Variants in PTPRD observed in about 807,000 individuals in gnomAD.
The protein encoded by PTPRD is protein tyrosine phosphatase receptor type D, also known as receptor-type tyrosine-protein phosphatase delta.
A neutral mutation model predicts 214.5 loss-of-function variants in PTPRD; 34 were observed. That is an observed-to-expected ratio of 0.16 (90% CI 0.12 to 0.21). The LOEUF is 0.21. PTPRD is among the 10% of genes least tolerant of loss of function. The probability of loss-of-function intolerance (pLI) is 1.00; values close to 1 mark genes in which losing one functional copy is unlikely to be tolerated. For missense variants in PTPRD, 2,545 were observed against 2,398.7 expected (o/e 1.06, Z -1.27); for synonymous variants, 1,128 against 845.7 (o/e 1.33, Z -5.79).
At chr9:9,905,255 A>C (rs1424003129) in intron 5 of PTPRD, among the ~76,000 whole-genome samples, 1 of 151,956 alleles carries the variant, frequency 6.6e-6, no homozygotes, top group Non-Finnish European at 1.5e-5. Context: ...ACATATAGTC[A>C]CCCTAAATTC....
intron 3 of PTPRD, among the ~76,000 whole-genome samples, chr9:10,326,667 T>C (rs10959045): frequency 2.6e-5 from 4 of 151,218 alleles, no homozygotes; most frequent in African/African-American, 4.8e-5. Context: ...TTTTTGAAAA[T>C]GTGAAGCATG....
chr9:9,222,458 G>A (rs2099956740), intron 9 of PTPRD, among the ~76,000 whole-genome samples: 1 of 151,966 alleles, frequency 6.6e-6, no homozygotes, highest in Non-Finnish European at 1.5e-5. Flanking sequence ...GCATTTCAAA[G>A]CAACTTTAAA....
chr9:9,487,801 G>C (rs2095714481), intron 8 of PTPRD, among the ~76,000 whole-genome samples: 1 of 152,048 alleles, frequency 6.6e-6, no homozygotes, highest in Admixed American at 6.6e-5. Flanking sequence ...AGGACTTTCT[G>C]CTTCAGTTTT....
chr9:9,103,690 G>C (rs10977495), intron 10 of PTPRD, among the ~76,000 whole-genome samples: 1 of 151,954 alleles, frequency 6.6e-6, no homozygotes, highest in South Asian at 2.1e-4. Flanking sequence ...ATTAAAAGTG[G>C]AGCAATTTGG....
intron 10 of PTPRD, among the ~76,000 whole-genome samples, chr9:9,173,834 C>G (rs562167895): frequency 8.5e-5 from 13 of 152,188 alleles, no homozygotes; most frequent in Admixed American, 5.9e-4. Context: ...TTTCTCTTTA[C>G]CATTGGCCTC....
At chr9:8,347,432 C>A (rs2074173040) in intron 39 of PTPRD, among the ~76,000 whole-genome samples, 1 of 152,102 alleles carries the variant, frequency 6.6e-6, no homozygotes, top group Non-Finnish European at 1.5e-5. Context: ...CAAACGTGAT[C>A]TTTCCTGTCG....
intron 11 of PTPRD, among the ~76,000 whole-genome samples, chr9:8,961,377 C>T (rs1016575809): frequency 6.6e-6 from 1 of 152,132 alleles, no homozygotes; most frequent in Non-Finnish European, 1.5e-5. Context: ...TCATCATGGT[C>T]ATTTCAGTTG....
chr9:9,884,886 C>G (rs143940920), intron 5 of PTPRD, among the ~76,000 whole-genome samples: 1 of 152,072 alleles, frequency 6.6e-6, no homozygotes, highest in Non-Finnish European at 1.5e-5. Context: ...CACCCCAGCC[C>G]AATGGAACTA....
At chr9:10,422,898 G>A (rs1464352461) in intron 2 of PTPRD, among the ~76,000 whole-genome samples, 1 of 152,000 alleles carries the variant, frequency 6.6e-6, no homozygotes, top group Admixed American at 6.6e-5. Flanking sequence ...ACAGTGTGGC[G>A]ATTCCTCAAG....
At chr9:8,666,478 T>C (rs2097172774) in intron 12 of PTPRD, among the ~76,000 whole-genome samples, 2 of 152,244 alleles carry the variant, frequency 1.3e-5, no homozygotes, top group African/African-American at 4.8e-5. Context: ...GGAATTCGTA[T>C]GGCTTCATAT....
In PTPRD at chr9:8,725,565, C is replaced by G. The variant is rs1372390667; in HGVS notation, c.64+8215G>C. On this transcript the variant is annotated intron_variant, in intron 12 of 45. Coordinates refer to ENST00000381196, the MANE Select transcript of PTPRD (RefSeq NM_002839.4). The stretch of plus-strand genomic sequence containing the variant: ...TGGGATAATATATGCCAACAGAGAT[C>G]TAAACAAAGATGCTTCTAATTTGGA... Among the ~76,000 whole-genome samples the G allele has an allele frequency of 2.0e-5, 3 of 152,058 alleles. No individual in the cohort carries two copies. The South Asian group carries it at 6.2e-4, about 32-fold the overall frequency.
chr9:9,757,915 A>T (rs971694273), intron 6 of PTPRD, among the ~76,000 whole-genome samples: 5 of 151,932 alleles, frequency 3.3e-5, no homozygotes, highest in Non-Finnish European at 7.4e-5. Flanking sequence ...AGCCCAAGTG[A>T]AGCCATTTCC....
chr9:10,260,451 A>C lies in PTPRD; in HGVS notation c.-545+80512T>G, dbSNP rs138136071. Among the ~76,000 whole-genome samples the C allele has an allele frequency of 2.7e-3, 417 of 152,306 alleles. 3 individuals are homozygous for C. The highest frequency in any genetic ancestry group is 9.6e-3 in the African/African-American group (399 of 41,562). On this transcript the variant is annotated intron_variant, in intron 3 of 45. Transcript: ENST00000381196. ...TACAGAGTTTCCCATAGGTAATCTC[A>C]AAAGGGTCTTCCAAGTCAACATTTT... is the stretch of plus-strand genomic sequence containing the variant.
At chr9:8,413,962 T>A (rs1475319475) in intron 35 of PTPRD, among the ~76,000 whole-genome samples, 1 of 152,086 alleles carries the variant, frequency 6.6e-6, no homozygotes, top group Non-Finnish European at 1.5e-5. Flanking sequence ...CTGGAAAAAA[T>A]GGAATCACTT....
intron 8 of PTPRD, among the ~76,000 whole-genome samples, chr9:9,421,287 A>C (rs942022226): frequency 3.3e-5 from 5 of 151,338 alleles, no homozygotes; most frequent in African/African-American, 1.2e-4. Context: ...CTTTGTGAAA[A>C]AAAAAAAATT....
At chr9:9,886,433 A>G (rs1381107672) in intron 5 of PTPRD, among the ~76,000 whole-genome samples, 1 of 152,112 alleles carries the variant, frequency 6.6e-6, no homozygotes, top group Non-Finnish European at 1.5e-5. Context: ...CTATTGCCAT[A>G]AAAAAGGGAG....
chr9:10,595,580 G>A (rs1019027079), intron 2 of PTPRD, among the ~76,000 whole-genome samples: 2 of 151,260 alleles, frequency 1.3e-5, no homozygotes, highest in African/African-American at 4.8e-5. Flanking sequence ...TCACACCTAT[G>A]ATTTAAATAT....
intron 2 of PTPRD, among the ~76,000 whole-genome samples, chr9:10,391,906 A>G (rs1350973215): frequency 1.3e-5 from 2 of 151,806 alleles, no homozygotes; most frequent in Admixed American, 1.3e-4. Context: ...TCTATTATCA[A>G]GAGTTCTTTT....
At chr9:9,878,813 T>C (rs954889623) in intron 5 of PTPRD, among the ~76,000 whole-genome samples, 6 of 152,194 alleles carry the variant, frequency 3.9e-5, no homozygotes, top group African/African-American at 1.4e-4. Context: ...ACATGTATTA[T>C]TAGAATTTCC....
Sources: gnomAD v4.1 joint callset for allele counts (sites outside exome capture counted in the v4.1 genomes callset) on GRCh38, gnomAD v4.1.1 for gene constraint, MANE v1.5 for transcripts, NCBI Gene and HGNC (gene_info 2026-07-23, HGNC 2026-07-21) for gene names.